ZC3H7A: variants seen among roughly 807,000 people sequenced by gnomAD.
The protein encoded by ZC3H7A is zinc finger CCCH domain-containing protein 7A.
ZC3H7A carries 44 observed loss-of-function variants against 125.5 expected under a neutral mutation model. The observed-to-expected ratio is 0.35, with a 90% confidence interval of 0.28 to 0.45. ZC3H7A has a LOEUF of 0.45. Among genes scored for constraint, ZC3H7A ranks in the 20% least tolerant of loss-of-function variants. The probability of loss-of-function intolerance (pLI) is 1.00; values close to 1 mark genes in which losing one functional copy is unlikely to be tolerated. For synonymous variants in ZC3H7A, 399 were observed against 391.2 expected, an observed-to-expected ratio of 1.02 and a Z score of -0.23; for missense variants, 977 against 1,170.7, an observed-to-expected ratio of 0.83 and a Z score of 2.41.
intron 20 of ZC3H7A, among the ~76,000 whole-genome samples, chr16:11,756,860 G>A (rs1271282790): frequency 1.3e-5 from 2 of 152,202 alleles, no homozygotes; most frequent in East Asian, 3.9e-4. Context: ...GAGTCCATCA[G>A]TCAAGCCACA....
At position 11,751,046 on chromosome 16, in the gene ZC3H7A, C is replaced by T. The variant is rs1159488420; in HGVS notation, c.*271G>A. On this transcript the variant is annotated 3_prime_UTR_variant, in exon 23 of 23. Transcript: ENST00000355758. ...AGAGTTGTCCTAGATATAACCTTAT[C>T]CTCTTCCCCAACACACTTCATCCAA... 6.2e-6 allele frequency: 2 copies of T among 322,344 alleles called. No homozygotes were observed. The highest frequency in any genetic ancestry group is 1.1e-5 in the Non-Finnish European group (2 of 175,412). 20.0% of individuals were successfully genotyped at this position (322,344 alleles called of 1,614,324 possible). A position where few individuals can be genotyped will look rare whatever the true frequency, so the allele number is the denominator to read the frequency against.
At chr16:11,768,225 T>C (rs1000389525) in intron 12 of ZC3H7A, 90 bp downstream of exon 12, 1 of 1,222,426 alleles carries the variant, frequency 8.2e-7, no homozygotes, top group East Asian at 2.6e-5. Flanking sequence ...TAATAACTGA[T>C]GTTGTTAACA....
rs766291204 is a variant in ZC3H7A, at chr16:11,765,730, G to A, written c.1523-45C>T. The A allele has an allele frequency of 6.4e-7, 1 of 1,568,076 alleles. No homozygotes were observed. Among genetic ancestry groups the A allele is most frequent in the South Asian group, 1.2e-5 (1 of 85,108 alleles). ...ACAGACATTGAAAACATGGCAATTGGCCTGTACTCCCAGCTACTTGGGAGG... is the reference window on the plus strand; with the variant it reads ...ACAGACATTGAAAACATGGCAATTGACCTGTACTCCCAGCTACTTGGGAGG... On this transcript the variant is annotated intron_variant, in intron 13 of 22. Transcript: ENST00000355758. This position sits in a 1 kb window ranked among gnomAD's most constrained non-coding sequence, Gnocchi z 4.8.
rs941533864 is a variant in ZC3H7A at position 11,752,826 on chromosome 16, A to T, written c.2569T>A (p.Phe857Ile). ...PTDYAEVTVD[F>I]HCWMCGKNCN... ...TTTTTCCCACACATCCAGCAGTGAA[A>T]GTCCACCTAATGTGCAGCAAAGACA... The change falls in exon 22 of 23, where the codon TTT becomes ATT. Residue 857 changes from phenylalanine (F) to isoleucine (I), a missense_variant. Phe to Ile is a conservative substitution (Grantham distance 21, BLOSUM62 0). Around this residue, in one of 3 missense-constraint regions of ZC3H7A, gnomAD observed 436 missense variants for 603.2 expected, o/e 0.72. Coordinates refer to ENST00000355758, the MANE Select transcript of ZC3H7A (RefSeq NM_014153.4). 6.2e-7 allele frequency: 1 copy of T among 1,612,744 alleles called. No individual in the cohort carries two copies. Among genetic ancestry groups the T allele is most frequent in the Non-Finnish European group, 8.5e-7 (1 of 1,179,620 alleles).
At chr16:11,793,540 A>AG (rs386364767) in intron 1 of ZC3H7A, among the ~76,000 whole-genome samples, 2 of 143,420 alleles carry the variant, frequency 1.4e-5, no homozygotes, top group African/African-American at 5.1e-5. Flanking sequence ...CTCAAAAAAA[A>AG]GGGGGTGGGG....
chr16:11,793,524 T>G (rs1254626289), intron 1 of ZC3H7A, among the ~76,000 whole-genome samples: 1 of 127,584 alleles, frequency 7.8e-6, no homozygotes, highest in Non-Finnish European at 1.6e-5. Context: ...CAGAGCAAGA[T>G]CCTGTCTCAA....
At chr16:11,780,019 AC>A (rs1436495221) in intron 3 of ZC3H7A, among the ~76,000 whole-genome samples, 3 of 151,838 alleles carry the variant, frequency 2.0e-5, no homozygotes, top group Admixed American at 2.0e-4. Context: ...GGGATGTTAA[AC>A]TTTTTTCTTA....
chr16:11,787,555 G>T (rs143642862), intron 1 of ZC3H7A, among the ~76,000 whole-genome samples: 1 of 152,144 alleles, frequency 6.6e-6, no homozygotes, highest in South Asian at 2.1e-4. Flanking sequence ...TTAAACTTCC[G>T]GTCTCAAGCG....
In ZC3H7A at chr16:11,751,093, ACCGGGTAGCAGT is replaced by A. The variant is rs1567368306; in HGVS notation, c.*212_*223del. Reference sequence around the variant, plus strand: ...CCAAAAGTCTGTTCAACAGATGGCAACCGGGTAGCAGTCACTTCACCATCTGATGCCAGTGGT... The same window carrying A: ...CCAAAAGTCTGTTCAACAGATGGCAACACTTCACCATCTGATGCCAGTGGT... On this transcript the variant is annotated 3_prime_UTR_variant, in exon 23 of 23. Coordinates refer to ENST00000355758, the MANE Select transcript of ZC3H7A (RefSeq NM_014153.4). The A allele has an allele frequency of 9.0e-6, 4 of 444,038 alleles. No individual in the cohort carries two copies. Among genetic ancestry groups the A allele is most frequent in the Non-Finnish European group, 1.2e-5 (3 of 249,698 alleles). 27.5% of individuals were successfully genotyped at this position (444,038 alleles called of 1,614,324 possible). A position where few individuals can be genotyped will look rare whatever the true frequency, so the allele number is the denominator to read the frequency against.
intron 21 of ZC3H7A, 147 bp from the exon 22 acceptor site, chr16:11,752,979 A>G: frequency 1.1e-6 from 1 of 946,506 alleles, no homozygotes; most frequent in Non-Finnish European, 1.5e-6. Context: ...CAGCATGGGG[A>G]AGCAAGCCAG....
At position 11,770,887 on chromosome 16, in the gene ZC3H7A, T is replaced by A. The variant is rs1283945713; in HGVS notation, c.1004A>T (p.Tyr335Phe). The A allele has an allele frequency of 6.2e-7, 1 of 1,614,114 alleles. No individual in the cohort carries two copies. The highest frequency in any genetic ancestry group is 8.5e-7 in the Non-Finnish European group (1 of 1,179,966). The part of the protein sequence containing the change: ...LLGTLPIGAR[Y>F]APPPSFSEFY... ...TTCTGAGAAGGAGGGTGGAGGAGCA[T>A]ACCTCGCACCAATGGGTAAGGTTCC... Residue 335 changes from tyrosine to phenylalanine, a missense_variant, in exon 10 of 23, where the codon TAT becomes TTT. Physicochemically the swap from Tyr to Phe is conservative, Grantham distance 22. Coordinates refer to ENST00000355758, the MANE Select transcript of ZC3H7A (RefSeq NM_014153.4).
chr16:11,756,752 T>A (rs1250946339), intron 20 of ZC3H7A, among the ~76,000 whole-genome samples: 1 of 152,170 alleles, frequency 6.6e-6, no homozygotes. Flanking sequence ...CAAGGCTACT[T>A]ACGTGGCTTG....
At chr16:11,766,659 G>A (rs1479862100) in intron 13 of ZC3H7A, among the ~76,000 whole-genome samples, 6 of 152,246 alleles carry the variant, frequency 3.9e-5, no homozygotes, top group Admixed American at 2.6e-4. Context: ...CAGGCAGGCA[G>A]ATAACTTGAG....
At chr16:11,766,302 C>T (rs1368572359) in intron 13 of ZC3H7A, among the ~76,000 whole-genome samples, 1 of 152,214 alleles carries the variant, frequency 6.6e-6, no homozygotes. Flanking sequence ...TGGTGGCTCA[C>T]ACCTGTAATC....
intron 9 of ZC3H7A, among the ~76,000 whole-genome samples, chr16:11,771,243 C>T (rs1195638217): frequency 6.6e-6 from 1 of 151,996 alleles, no homozygotes; most frequent in Non-Finnish European, 1.5e-5. Flanking sequence ...AAAACATTGG[C>T]TGTGCATGGT....
At chr16:11,766,540 T>C (rs1165549758) in intron 13 of ZC3H7A, among the ~76,000 whole-genome samples, 1 of 152,174 alleles carries the variant, frequency 6.6e-6, no homozygotes, top group Non-Finnish European at 1.5e-5. Context: ...CACCCCAGCC[T>C]GGGAGACAGA....
Position 11,781,220 on chromosome 16 carries a change from G to C in ZC3H7A, c.108+205C>G, listed in dbSNP as rs112711830. ...GTCAAAACTACCATATGTTGCAAAAGCAGCCACAGATAATACATAAACAAA... is the reference window on the plus strand; with the variant it reads ...GTCAAAACTACCATATGTTGCAAAACCAGCCACAGATAATACATAAACAAA... On this transcript the variant is annotated intron_variant, in intron 3 of 22. Coordinates refer to ENST00000355758, the MANE Select transcript of ZC3H7A (RefSeq NM_014153.4). Among the ~76,000 whole-genome samples the C allele has an allele frequency of 2.5e-3, 380 of 152,222 alleles. 1 individual carries two copies. The highest frequency in any genetic ancestry group is 8.7e-3 in the African/African-American group (362 of 41,540).
intron 1 of ZC3H7A, among the ~76,000 whole-genome samples, chr16:11,792,797 A>G (rs1225120353): frequency 6.6e-6 from 1 of 152,222 alleles, no homozygotes; most frequent in Non-Finnish European, 1.5e-5. Context: ...TCTTCTGCAC[A>G]TTACGTGCCA....
chr16:11,776,185 G>A (rs139393078), intron 7 of ZC3H7A, 135 bp downstream of exon 7: 10 of 788,186 alleles, frequency 1.3e-5, no homozygotes, highest in Non-Finnish European at 1.8e-5. Context: ...AGTGACAGGA[G>A]GGTATTGCCA....
Sources: gnomAD v4.1 joint callset for allele counts (sites outside exome capture counted in the v4.1 genomes callset) on GRCh38, gnomAD v4.1.1 for gene constraint, gnomAD v4.1.1 regional missense constraint, Gnocchi (gnomAD v3.1) non-coding constraint, MANE v1.5 for transcripts, NCBI Gene and HGNC (gene_info 2026-07-23, HGNC 2026-07-21) for gene names.